VAC14: variants seen among roughly 807,000 people sequenced by gnomAD.
VAC14 encodes VAC14 component of PIKFYVE complex.
A neutral mutation model predicts 85.3 loss-of-function variants in VAC14; 47 were observed. That is an observed-to-expected ratio of 0.55 (90% confidence interval 0.44 to 0.70). The LOEUF (loss-of-function observed/expected upper bound fraction) is 0.70. VAC14 is among the 30% of genes least tolerant of loss of function. The probability of loss-of-function intolerance (pLI) is 0.00; values close to 1 mark genes in which losing one functional copy is unlikely to be tolerated. For synonymous variants in VAC14, 447 were observed against 430.5 expected, an observed-to-expected ratio of 1.04 and a Z score of -0.47; for missense variants, 861 against 1,004.3, an observed-to-expected ratio of 0.86 and a Z score of 1.93.
chr16:70,770,733 C>G (rs1265531069), intron 10 of VAC14: 3 of 152,242 alleles, frequency 2.0e-5, no homozygotes, highest in Non-Finnish European at 4.4e-5. Context: ...CAGCTCTTAT[C>G]TTGGAGCCTA....
chr16:70,797,025 C>T (rs1315366202), intron 1 of VAC14, among the ~76,000 whole-genome samples: 1 of 152,098 alleles, frequency 6.6e-6, no homozygotes, highest in Middle Eastern at 3.2e-3. Context: ...CCTAGGAGTT[C>T]AAGACCAGCC....
intron 12 of VAC14, among the ~76,000 whole-genome samples, chr16:70,748,129 TCCCCAAAC>T (rs58575776): frequency 0.073 from 11,159 of 152,204 alleles, 1,332 homozygotes; most frequent in African/African-American, 0.25. Flanking sequence ...CCAGCTCTGG[TCCCCAAAC>T]CTGAGCCTGC....
rs112696363 is a variant in VAC14 at position 70,761,022 on chromosome 16, TG to T, written c.1371+1517del. On this transcript the variant is annotated intron_variant, in intron 12 of 18. Coordinates refer to ENST00000261776, the MANE Select transcript of VAC14 (RefSeq NM_018052.5). ...GTGTGTGTGTGTGTGTGTGTGTGCA[TG>T]GGGGGGCGGGGGGTAGGCAGGAGAG... 16 of 190,188 alleles carry T rather than the reference TG, an allele frequency of 8.4e-5. 1 individual carries two copies. The highest frequency in any genetic ancestry group is 1.5e-4 in the Non-Finnish European group (14 of 94,284). The allele number at this position is 190,188 out of a possible 1,614,324, so 11.8% of individuals were successfully genotyped here.
In VAC14 at chr16:70,762,965, G is replaced by T. The variant is rs2032522356; in HGVS notation, c.1221C>A (p.His407Gln). The part of the protein sequence containing the change: ...LDGIVQVLNC[H>Q]LSDTAIGMMT... ...TCATCCCAATGGCCGTGTCACTGAG[G>T]TGGCAGTTTAGGACCTGCACGATCC... The change falls in exon 11 of 19, where the codon CAC (histidine) becomes CAA (glutamine). Residue 407 changes from histidine to glutamine, a missense_variant. By Grantham distance (24) the His-to-Gln change is conservative. Transcript: ENST00000261776. This position sits in a 1 kb window ranked among gnomAD's most constrained non-coding sequence, Gnocchi z 4.1. 6.2e-7 allele frequency: 1 copy of T among 1,614,238 alleles called. No individual in the cohort carries two copies. The highest frequency in any genetic ancestry group is 1.7e-5 in the Admixed American group (1 of 60,028).
At chr16:70,728,827 A>T (rs1397963472) in intron 14 of VAC14, among the ~76,000 whole-genome samples, 2 of 152,156 alleles carry the variant, frequency 1.3e-5, no homozygotes, top group Non-Finnish European at 2.9e-5. Context: ...AGGCAAGGAG[A>T]GCTCATCATG....
chr16:70,738,784 C>T (rs566153772), intron 13 of VAC14, among the ~76,000 whole-genome samples: 21 of 152,310 alleles, frequency 1.4e-4, no homozygotes, highest in South Asian at 4.1e-4. Flanking sequence ...CCAGGGATTC[C>T]GGGGTAAGTA....
intron 12 of VAC14, among the ~76,000 whole-genome samples, chr16:70,749,247 C>T (rs752191187): frequency 3.0e-4 from 46 of 152,374 alleles, no homozygotes; most frequent in Non-Finnish European, 5.7e-4. Flanking sequence ...GGCTTCCAAC[C>T]CCGCTTTCTC....
chr16:70,766,625 C>G, intron 10 of VAC14: 2 of 428,258 alleles, frequency 4.7e-6, no homozygotes, highest in South Asian at 3.3e-5. Context: ...CCATCTGAGA[C>G]CATGAGGCCA....
intron 18 of VAC14, chr16:70,691,637 C>T (rs1270073521): frequency 1.0e-6 from 1 of 985,336 alleles, no homozygotes; most frequent in African/African-American, 1.7e-5. Context: ...AAGGCCTAGT[C>T]CTGCCACTGC....
intron 1 of VAC14, among the ~76,000 whole-genome samples, chr16:70,798,365 GA>G (rs1567617689): frequency 6.6e-6 from 1 of 152,214 alleles, no homozygotes; most frequent in African/African-American, 2.4e-5. Context: ...TCTGATTAAT[GA>G]GAGATTAATT....
At chr16:70,777,821 C>T (rs1291487288) in intron 9 of VAC14, among the ~76,000 whole-genome samples, 3 of 152,248 alleles carry the variant, frequency 2.0e-5, no homozygotes, top group Non-Finnish European at 4.4e-5. Flanking sequence ...GCATGAGGTC[C>T]TGTCTCCAGC....
intron 9 of VAC14, among the ~76,000 whole-genome samples, chr16:70,774,354 C>T (rs1317843246): frequency 6.6e-6 from 1 of 152,106 alleles, no homozygotes; most frequent in Non-Finnish European, 1.5e-5. Context: ...TAGGGAGTTG[C>T]GCATCATTGG....
intron 14 of VAC14, among the ~76,000 whole-genome samples, chr16:70,726,620 G>A (rs1406659312): frequency 6.6e-6 from 1 of 152,178 alleles, no homozygotes; most frequent in East Asian, 1.9e-4. Context: ...GAGGAATTGG[G>A]GTTTGAGCCC....
chr16:70,697,311 C>G (rs532295963), intron 15 of VAC14, 54 bp from the exon 16 acceptor site: 1 of 1,497,892 alleles, frequency 6.7e-7, no homozygotes, highest in African/African-American at 1.4e-5. Flanking sequence ...TGCCCCTACC[C>G]GGTCCACGTG....
chr16:70,770,979 T>C (rs1442150158), intron 10 of VAC14: 1 of 152,118 alleles, frequency 6.6e-6, no homozygotes, highest in Non-Finnish European at 1.5e-5. Flanking sequence ...GAAGAGCCTC[T>C]TGGGGTAGAG....
chr16:70,730,298 G>A (rs1282191368), intron 14 of VAC14, among the ~76,000 whole-genome samples: 6 of 151,952 alleles, frequency 3.9e-5, no homozygotes, highest in South Asian at 2.1e-4. Context: ...ATCCAGTCAC[G>A]TTGATCCCCT....
chr16:70,729,601 C>T (rs1333504357), intron 14 of VAC14, among the ~76,000 whole-genome samples: 2 of 152,042 alleles, frequency 1.3e-5, no homozygotes, highest in Non-Finnish European at 2.9e-5. Context: ...TGCCATCTCC[C>T]TGCTTGGCCG....
At chr16:70,719,634 T>C (rs2054240912) in intron 14 of VAC14, among the ~76,000 whole-genome samples, 1 of 152,214 alleles carries the variant, frequency 6.6e-6, no homozygotes, top group African/African-American at 2.4e-5. Context: ...TTCAACTTCA[T>C]TAGTCTTTAG....
At chr16:70,763,280 G>C (rs2032554337) in intron 10 of VAC14, among the ~76,000 whole-genome samples, 1 of 152,226 alleles carries the variant, frequency 6.6e-6, no homozygotes, top group South Asian at 2.1e-4. Flanking sequence ...TTGCTGCTGG[G>C]CTGGAACCAT....
Sources: allele counts gnomAD v4.1 joint callset (sites outside exome capture counted in the v4.1 genomes callset), GRCh38; gene constraint gnomAD v4.1.1; non-coding constraint Gnocchi (gnomAD v3.1); transcripts MANE v1.5; gene names NCBI Gene and HGNC (gene_info 2026-07-23, HGNC 2026-07-21).